The following DPY19L2 variants were observed in gnomAD, a reference collection of about 807,000 sequenced individuals.
DPY19L2 encodes the protein probable C-mannosyltransferase DPY19L2.
In DPY19L2, 34 loss-of-function variants were observed where a neutral mutation model predicts 97.9. The ratio of observed to expected loss-of-function variants is 0.35; its 90% CI spans 0.26 to 0.46. DPY19L2 has a LOEUF of 0.46. Ranked by LOEUF, DPY19L2 falls within the 20% of genes least tolerant of loss-of-function variation. The probability of loss-of-function intolerance (pLI) is 1.00; values close to 1 mark genes in which losing one functional copy is unlikely to be tolerated. For missense variants in DPY19L2, 623 were observed against 911.4 expected (o/e 0.68, Z 4.07); for synonymous variants, 230 against 307.9 (o/e 0.75, Z 2.65).
At chr12:63,614,819 TATA>T (rs1379918274) in intron 11 of DPY19L2, among the ~76,000 whole-genome samples, 1 of 152,126 alleles carries the variant, frequency 6.6e-6, no homozygotes, top group Non-Finnish European at 1.5e-5. Flanking sequence ...GCCTGCAACC[TATA>T]ATATTTCCTA....
intron 6 of DPY19L2, among the ~76,000 whole-genome samples, chr12:63,633,903 A>G (rs1394796606): frequency 3.9e-5 from 6 of 152,126 alleles, no homozygotes; most frequent in Non-Finnish European, 7.4e-5. Context: ...ATGAGTTCAC[A>G]TCCTTTGTAG....
chr12:63,568,279 C>T (rs970880685), intron 21 of DPY19L2, among the ~76,000 whole-genome samples: 1 of 151,990 alleles, frequency 6.6e-6, no homozygotes, highest in African/African-American at 2.4e-5. Flanking sequence ...TTGTTGAGTA[C>T]ATTTAAATGA....
chr12:63,610,098 A>C (rs1005950453), intron 11 of DPY19L2, among the ~76,000 whole-genome samples: 6 of 151,902 alleles, frequency 3.9e-5, no homozygotes, highest in Non-Finnish European at 8.8e-5. Context: ...TAAATGAAAA[A>C]AAAAAAAAGG....
In DPY19L2 at chr12:63,644,274, A is replaced by G. The variant is rs922176590; in HGVS notation, c.803+129T>C. ...ATGATATTGGTTAAGCTTCTGAAAA[A>G]TCAAGTAAATCCACAAACTTTCCTG... On this transcript the variant is annotated intron_variant, in intron 6 of 21. Transcript: ENST00000324472. The G allele has an allele frequency of 7.1e-6, 9 of 1,264,666 alleles. 1 individual carries two copies. In the Admixed American group the frequency reaches 9.5e-5, roughly 13 times the overall value. The allele number at this position is 1,264,666 out of a possible 1,614,324, so 78.3% of individuals were successfully genotyped here.
At chr12:63,576,937 C>A (rs1879956938) in intron 19 of DPY19L2, among the ~76,000 whole-genome samples, 2 of 151,824 alleles carry the variant, frequency 1.3e-5, no homozygotes, top group Non-Finnish European at 2.9e-5. Context: ...AAAAAACTAT[C>A]CTTATTTATT....
rs148329771 is a variant in DPY19L2 at position 63,580,785 on chromosome 12, T to C, written c.1777A>G (p.Ile593Val). 1.1e-5 allele frequency: 17 copies of C among 1,613,588 alleles called. No homozygotes were observed. The highest frequency in any genetic ancestry group is 1.7e-5 in the Admixed American group (1 of 59,960). Residue 593 changes from isoleucine to valine, a missense_variant, in exon 19 of 22, where the codon ATT becomes GTT. By Grantham distance (29) the Ile-to-Val change is conservative. Transcript: ENST00000324472. ...RVRFEKVIFGILTVMSIQGYA... is the reference protein window; with the variant it reads ...RVRFEKVIFGVLTVMSIQGYA... ...CCTTGTATTGACATCACTGTTAAAA[T>C]GCCAAAGATAACCTTCTCAAAACGA...
At chr12:63,609,653 C>A (rs1369302117) in intron 11 of DPY19L2, among the ~76,000 whole-genome samples, 19 of 152,088 alleles carry the variant, frequency 1.2e-4, no homozygotes, top group Admixed American at 1.2e-3. Flanking sequence ...GTTGTTTAAG[C>A]CATCCTGTCT....
intron 9 of DPY19L2, among the ~76,000 whole-genome samples, chr12:63,619,457 G>A (rs7302777): frequency 0.71 from 107,914 of 151,764 alleles, 39,273 homozygotes; most frequent in African/African-American, 0.87. Flanking sequence ...AAAGAAAAAT[G>A]AAAGCCTAGT....
At chr12:63,630,234 A>T (rs1478960013) in intron 6 of DPY19L2, among the ~76,000 whole-genome samples, 1 of 152,294 alleles carries the variant, frequency 6.6e-6, no homozygotes, top group African/African-American at 2.4e-5. Context: ...CTTAAATGTA[A>T]ATGGGCTAAA....
At position 63,569,417 on chromosome 12, in the gene DPY19L2, T is replaced by C. The variant is rs1005789712; in HGVS notation, c.2001-68A>G. On this transcript the variant is annotated intron_variant, in intron 20 of 21. Coordinates refer to ENST00000324472, the MANE Select transcript of DPY19L2 (RefSeq NM_173812.5). ...ATAATAGAATAGACTAAAAAAATCT[T>C]ACTAGCAAATTGAAATCTCAATACT... The C allele has an allele frequency of 3.3e-6, 4 of 1,202,410 alleles. No individual in the cohort carries two copies. The African/African-American group carries it at 4.8e-5, about 14-fold the overall frequency. 74.5% of individuals were successfully genotyped at this position (1,202,410 alleles called of 1,614,324 possible).
At chr12:63,612,994 T>C (rs1211161583) in intron 11 of DPY19L2, among the ~76,000 whole-genome samples, 3 of 152,196 alleles carry the variant, frequency 2.0e-5, no homozygotes, top group African/African-American at 7.2e-5. Flanking sequence ...TTATACCTTA[T>C]TAATGAAATG....
At position 63,628,379 on chromosome 12, in the gene DPY19L2, T is replaced by G. The variant is rs1433361110; in HGVS notation, c.804-1853A>C. On this transcript the variant is annotated intron_variant, in intron 6 of 21. Transcript: ENST00000324472. ...GGTCACTCCTACCCTAACAGTGCGC[T>G]TTTCCAACAGTCTTAGCAAACGGCA... Among the ~76,000 whole-genome samples, 4 of 152,244 alleles carry G rather than the reference T, an allele frequency of 2.6e-5. No individual in the cohort carries two copies. In the South Asian group the frequency reaches 6.2e-4, roughly 24 times the overall value.
At chr12:63,609,157 T>C (rs1886547748) in intron 11 of DPY19L2, among the ~76,000 whole-genome samples, 1 of 152,110 alleles carries the variant, frequency 6.6e-6, no homozygotes, top group Admixed American at 6.5e-5. Context: ...AAATACAATA[T>C]TAATCAGCAG....
At chr12:63,562,923 G>A (rs564498601) in intron 21 of DPY19L2, among the ~76,000 whole-genome samples, 1 of 151,916 alleles carries the variant, frequency 6.6e-6, no homozygotes, top group South Asian at 2.1e-4. Flanking sequence ...AGCCTCCCGA[G>A]TAGCTGGGAT....
At position 63,668,130 on chromosome 12, in the gene DPY19L2, G is replaced by C. The variant is rs1466511634; in HGVS notation, c.264C>G (p.Ser88=). ...LLGPFQFVRN[S]LAQLREKVQE... ...GCACCTTTTCCCGGAGCTGCGCCAG[G>C]GAATTACGGACGAACTGGAAGGGGC... Residue 88 remains serine (S), a synonymous_variant, in exon 1 of 22, where the codon TCC becomes TCG. Coordinates refer to ENST00000324472, the MANE Select transcript of DPY19L2 (RefSeq NM_173812.5). The C allele has an allele frequency of 3.7e-6, 6 of 1,614,010 alleles. No homozygotes were observed. The highest frequency in any genetic ancestry group is 5.1e-6 in the Non-Finnish European group (6 of 1,179,984).
chr12:63,560,846 C>A (rs1037270155), intron 21 of DPY19L2, among the ~76,000 whole-genome samples, 184 bp from the exon 22 acceptor site: 8 of 152,044 alleles, frequency 5.3e-5, no homozygotes, highest in African/African-American at 1.4e-4. Flanking sequence ...AAGCATGTTG[C>A]ATTTTCACAT....
At position 63,560,143 on chromosome 12, in the gene DPY19L2, A is replaced by T. The variant is rs945414104; in HGVS notation, c.*369T>A. 23 of 167,492 alleles carry T rather than the reference A, an allele frequency of 1.4e-4. No homozygotes were observed. Among genetic ancestry groups the T allele is most frequent in the Middle Eastern group, 5.8e-3 (2 of 342 alleles). 10.4% of individuals were successfully genotyped at this position (167,492 alleles called of 1,614,324 possible). A position where few individuals can be genotyped will look rare whatever the true frequency, so the allele number is the denominator to read the frequency against. The stretch of plus-strand genomic sequence containing the variant: ...AGTGGTTCAAAGAGTTTGAGGAGGT[A>T]CCCTCTGGTACTAGAGAAAATCTGA... On this transcript the variant is annotated 3_prime_UTR_variant, in exon 22 of 22. Coordinates refer to ENST00000324472, the MANE Select transcript of DPY19L2 (RefSeq NM_173812.5).
intron 16 of DPY19L2, among the ~76,000 whole-genome samples, chr12:63,592,345 A>T (rs1319826504): frequency 6.6e-6 from 1 of 150,880 alleles, no homozygotes; most frequent in Non-Finnish European, 1.5e-5. Flanking sequence ...ATCCTAAGCC[A>T]AAAGAACAAA....
intron 6 of DPY19L2, among the ~76,000 whole-genome samples, chr12:63,630,328 C>T (rs1890371243): frequency 6.6e-6 from 1 of 152,050 alleles, no homozygotes; most frequent in African/African-American, 2.4e-5. Flanking sequence ...ACCCATCTCA[C>T]ATGCAGAGAC....
Sources: gnomAD v4.1 joint callset for allele counts (sites outside exome capture counted in the v4.1 genomes callset) on GRCh38, gnomAD v4.1.1 for gene constraint, MANE v1.5 for transcripts, NCBI Gene and HGNC (gene_info 2026-07-23, HGNC 2026-07-21) for gene names.